The following ZNF717 variants were observed in gnomAD, a reference collection of about 807,000 sequenced individuals.
The protein encoded by ZNF717 is krueppel-like factor X17.
A neutral mutation model predicts 13.8 loss-of-function variants in ZNF717; 9 were observed. The ratio of observed to expected loss-of-function variants is 0.65; its 90% confidence interval spans 0.39 to 1.14. ZNF717 has a LOEUF of 1.14. ZNF717 is among the 50% of genes most tolerant of loss of function. The pLI, the probability that ZNF717 is intolerant of heterozygous loss-of-function variation, is 0.01. For missense variants in ZNF717, 1,040 were observed against 1,080.7 expected, an observed-to-expected ratio of 0.96 and a Z score of 0.53; for synonymous variants, 327 against 364.1, an observed-to-expected ratio of 0.90 and a Z score of 1.16.
intron 4 of ZNF717, among the ~76,000 whole-genome samples, chr3:75,739,797 C>T (rs1300201391): frequency 6.6e-6 from 1 of 152,118 alleles, no homozygotes; most frequent in Non-Finnish European, 1.5e-5. Context: ...AGGAGATGGC[C>T]ATTTTTCTGT....
chr3:75,703,697 G>C (rs1371348821), intron 6 of ZNF717, among the ~76,000 whole-genome samples: 17 of 152,412 alleles, frequency 1.1e-4, no homozygotes, highest in African/African-American at 3.8e-4. Context: ...CTGCCATTTT[G>C]GTAAACATAC....
chr3:75,782,337 G>C (rs1471437457), intron 2 of ZNF717, among the ~76,000 whole-genome samples: 1 of 152,250 alleles, frequency 6.6e-6, no homozygotes, highest in Non-Finnish European at 1.5e-5. Context: ...GGTGTGGAGA[G>C]TTATTTAAGG....
At chr3:75,699,812 A>G (rs1264551840) in intron 6 of ZNF717, among the ~76,000 whole-genome samples, 1 of 152,312 alleles carries the variant, frequency 6.6e-6, no homozygotes, top group Non-Finnish European at 1.5e-5. Context: ...CAGAATACAA[A>G]ATCAACATAT....
At chr3:75,727,183 G>A (rs111956560), downstream of ZNF717, among the ~76,000 whole-genome samples, 8 of 152,196 alleles carry the variant, frequency 5.3e-5, no homozygotes, top group African/African-American at 9.7e-5. Context: ...GATGTATGTC[G>A]CCTCAAGACC....
chr3:75,754,353 A>G (rs757422548), intron 2 of ZNF717, among the ~76,000 whole-genome samples: 19 of 150,652 alleles, frequency 1.3e-4, no homozygotes, highest in Middle Eastern at 6.8e-3. Context: ...CTAAAAGGCA[A>G]AAAAATAAAA....
chr3:75,718,601 T>A (rs1938109744), intron 4 of ZNF717, among the ~76,000 whole-genome samples: 1 of 152,318 alleles, frequency 6.6e-6, no homozygotes, highest in South Asian at 2.1e-4. Flanking sequence ...ATGGGTTTCC[T>A]GGAAGACAAT....
chr3:75,759,408 T>C (rs1032852964), intron 2 of ZNF717, among the ~76,000 whole-genome samples: 7 of 151,082 alleles, frequency 4.6e-5, no homozygotes, highest in African/African-American at 9.7e-5. Flanking sequence ...CCGGAGTAGC[T>C]GGAAGTACAG....
downstream of ZNF717, among the ~76,000 whole-genome samples, chr3:75,734,966 C>T (rs1575744885): frequency 6.6e-6 from 1 of 151,826 alleles, no homozygotes; most frequent in African/African-American, 2.4e-5. Flanking sequence ...GCTGGGACTA[C>T]AGGCGTGTGC....
At position 75,736,405 on chromosome 3, in the gene ZNF717, A is replaced by G. The variant is rs1183985814; in HGVS notation, c.*473T>C. The stretch of plus-strand genomic sequence containing the variant: ...CATCAGCTACTCAAGTTGTGAATGC[A>G]AAGAAAAAGTTCTTGAAGGATGTTA... On this transcript the variant is annotated 3_prime_UTR_variant, in exon 5 of 5. Transcript: ENST00000652011. 6.4e-6 allele frequency: 1 copy of G among 156,084 alleles called. No homozygotes were observed. 9.7% of individuals were successfully genotyped at this position (156,084 alleles called of 1,614,324 possible).
chr3:75,701,831 T>C (rs1328876546), intron 6 of ZNF717, among the ~76,000 whole-genome samples: 3 of 152,306 alleles, frequency 2.0e-5, no homozygotes, highest in Non-Finnish European at 4.4e-5. Context: ...AAAATTTAAA[T>C]AGACATTTAT....
chr3:75,709,658 G>A (rs113803349), exon 6 of ZNF717: 75 of 152,214 alleles, frequency 4.9e-4, no homozygotes, highest in African/African-American at 1.7e-3. Context: ...ACGTTGTCAC[G>A]GACTTTGTGC....
intron 2 of ZNF717, among the ~76,000 whole-genome samples, chr3:75,761,791 A>C (rs1367137782): frequency 6.6e-6 from 1 of 152,248 alleles, no homozygotes; most frequent in Non-Finnish European, 1.5e-5. Context: ...TAATCCCAGC[A>C]CTTCGGGAGG....
intron 5 of ZNF717, among the ~76,000 whole-genome samples, chr3:75,712,679 G>A (rs1259958804): frequency 6.6e-6 from 1 of 152,032 alleles, no homozygotes; most frequent in African/African-American, 2.4e-5. Context: ...TCTTTGTCAT[G>A]TGAAATATTT....
chr3:75,729,818 C>T (rs73841583), downstream of ZNF717: 4 of 152,290 alleles, frequency 2.6e-5, no homozygotes, highest in East Asian at 1.9e-4. Context: ...TTTGCATGAC[C>T]GAGTTCCCAG....
intron 4 of ZNF717, among the ~76,000 whole-genome samples, chr3:75,717,997 G>A (rs1231565784): frequency 1.3e-5 from 2 of 152,278 alleles, no homozygotes; most frequent in African/African-American, 4.8e-5. Flanking sequence ...TGGAAGCATT[G>A]GTCAAGGAGG....
chr3:75,759,079 C>T (rs1408502018), intron 2 of ZNF717, among the ~76,000 whole-genome samples: 2 of 151,862 alleles, frequency 1.3e-5, no homozygotes, highest in Non-Finnish European at 2.9e-5. Context: ...ACTTTGTAGA[C>T]ATATGCTGTT....
chr3:75,761,911 G>A (rs962646135), intron 2 of ZNF717, among the ~76,000 whole-genome samples: 8 of 152,184 alleles, frequency 5.3e-5, no homozygotes, highest in South Asian at 2.1e-4. Context: ...AAAATTAGCT[G>A]GGCATAGTGG....
downstream of ZNF717, among the ~76,000 whole-genome samples, chr3:75,729,615 CAAAA>C (rs369485280): frequency 8.7e-6 from 1 of 115,544 alleles, no homozygotes. Context: ...AACTCCATAT[CAAAA>C]AAAAAAAAAA....
rs1046124978 is a variant in ZNF717 at position 75,782,017 on chromosome 3, A to G, written c.57+1289T>C. Reference sequence around the variant, plus strand: ...AAAGCTAGCCCCTTATCCGGGGCCGAGAGAATTTCGTGCGTTAGCCATCTC... The same window carrying G: ...AAAGCTAGCCCCTTATCCGGGGCCGGGAGAATTTCGTGCGTTAGCCATCTC... On this transcript the variant is annotated intron_variant, in intron 2 of 4. Coordinates refer to ENST00000652011, the MANE Select transcript of ZNF717 (RefSeq NM_001290208.3). Among the ~76,000 whole-genome samples, 19 of 152,096 alleles carry G rather than the reference A, an allele frequency of 1.2e-4. 1 individual carries two copies. Among genetic ancestry groups the G allele is most frequent in the Admixed American group, 1.2e-3 (19 of 15,258 alleles).
Sources: gnomAD v4.1 joint callset for allele counts (sites outside exome capture counted in the v4.1 genomes callset) on GRCh38, gnomAD v4.1.1 for gene constraint, MANE v1.5 for transcripts, NCBI Gene and HGNC (gene_info 2026-07-23, HGNC 2026-07-21) for gene names.